The following HS6ST3 variants were observed in gnomAD, a reference collection of about 807,000 sequenced individuals.
The protein encoded by HS6ST3 is heparan-sulfate 6-O-sulfotransferase 3.
HS6ST3 carries 12 observed loss-of-function variants against 36.7 expected under a neutral mutation model. The observed-to-expected ratio is 0.33, with a 90% CI of 0.21 to 0.53. The LOEUF is 0.53. HS6ST3 is among the 20% of genes least tolerant of loss of function. The pLI is 0.95. For synonymous variants in HS6ST3, 240 were observed against 257.5 expected (o/e 0.93, Z 0.65); for missense variants, 584 against 640.9 (o/e 0.91, Z 0.96).
At chr13:96,564,174 T>C (rs916647017) in intron 1 of HS6ST3, among the ~76,000 whole-genome samples, 48 of 152,212 alleles carry the variant, frequency 3.2e-4, no homozygotes, top group African/African-American at 1.2e-3. Context: ...TTAGGCAACT[T>C]AGCACAGTAC....
intron 1 of HS6ST3, among the ~76,000 whole-genome samples, chr13:96,103,003 G>T (rs2053824970): frequency 6.6e-6 from 1 of 152,028 alleles, no homozygotes; most frequent in Non-Finnish European, 1.5e-5. Context: ...GTTTTTCTTG[G>T]CATATATGTG....
intron 1 of HS6ST3, among the ~76,000 whole-genome samples, chr13:96,419,349 T>G (rs1204621071): frequency 6.6e-6 from 1 of 152,136 alleles, no homozygotes; most frequent in Non-Finnish European, 1.5e-5. Flanking sequence ...AATGGCCTTT[T>G]ATAGAACAAA....
At chr13:96,801,644 T>C (rs1226098853) in intron 1 of HS6ST3, among the ~76,000 whole-genome samples, 1 of 152,074 alleles carries the variant, frequency 6.6e-6, no homozygotes, top group African/African-American at 2.4e-5. Flanking sequence ...AACTTGAGGC[T>C]TAAAGAGTTG....
At chr13:96,269,797 G>A (rs1407731189) in intron 1 of HS6ST3, among the ~76,000 whole-genome samples, 1 of 151,974 alleles carries the variant, frequency 6.6e-6, no homozygotes, top group East Asian at 1.9e-4. Flanking sequence ...ATGATCTGAT[G>A]TCCTTTGCAG....
At chr13:96,776,568 A>G (rs1877391356) in intron 1 of HS6ST3, among the ~76,000 whole-genome samples, 1 of 152,224 alleles carries the variant, frequency 6.6e-6, no homozygotes, top group Non-Finnish European at 1.5e-5. Flanking sequence ...AAACACCTCT[A>G]CATAAATAAA....
intron 1 of HS6ST3, among the ~76,000 whole-genome samples, chr13:96,434,235 G>T (rs1166256342): frequency 6.6e-6 from 1 of 152,118 alleles, no homozygotes; most frequent in Non-Finnish European, 1.5e-5. Context: ...ATACCCCCAG[G>T]TTGCAGTATT....
At chr13:96,198,221 A>G (rs538437438) in intron 1 of HS6ST3, among the ~76,000 whole-genome samples, 2 of 152,252 alleles carry the variant, frequency 1.3e-5, no homozygotes, top group South Asian at 4.1e-4. Context: ...TGGGCTGTAC[A>G]TAGTGTGGGG....
chr13:96,784,705 T>A (rs906671025), intron 1 of HS6ST3, among the ~76,000 whole-genome samples: 9 of 152,188 alleles, frequency 5.9e-5, no homozygotes, highest in African/African-American at 2.2e-4. Flanking sequence ...AAGACCCATA[T>A]CAACTCACTG....
chr13:96,536,100 C>G (rs549497805), intron 1 of HS6ST3, among the ~76,000 whole-genome samples: 1 of 152,074 alleles, frequency 6.6e-6, no homozygotes, highest in African/African-American at 2.4e-5. Flanking sequence ...TTATGTGTAC[C>G]CCCATGCTTA....
intron 1 of HS6ST3, chr13:96,573,814 T>C: frequency 2.5e-6 from 1 of 392,708 alleles, no homozygotes; most frequent in South Asian, 2.1e-5. Flanking sequence ...GAGAGTGTGT[T>C]GGACTTAACT....
At chr13:96,595,839 CT>C (rs989852356) in intron 1 of HS6ST3, among the ~76,000 whole-genome samples, 74 of 142,824 alleles carry the variant, frequency 5.2e-4, no homozygotes, top group African/African-American at 1.3e-3. Context: ...TTTTTAATTT[CT>C]TTTTTTTTTC....
At chr13:96,813,873 G>C (rs1878369662) in intron 1 of HS6ST3, among the ~76,000 whole-genome samples, 1 of 152,160 alleles carries the variant, frequency 6.6e-6, no homozygotes, top group Non-Finnish European at 1.5e-5. Context: ...TACATTTCTA[G>C]TCCTTAAAAT....
At chr13:96,102,716 G>A (rs1350335760) in intron 1 of HS6ST3, among the ~76,000 whole-genome samples, 3 of 151,986 alleles carry the variant, frequency 2.0e-5, no homozygotes, top group Admixed American at 6.6e-5. Context: ...CCTATTGATC[G>A]GCAACAATTC....
intron 1 of HS6ST3, among the ~76,000 whole-genome samples, chr13:96,657,933 A>G (rs1252656122): frequency 6.6e-6 from 1 of 152,176 alleles, no homozygotes; most frequent in African/African-American, 2.4e-5. Flanking sequence ...AGGAAGCACA[A>G]TGAAACTGAA....
At chr13:96,446,236 A>G (rs1221377147) in intron 1 of HS6ST3, among the ~76,000 whole-genome samples, 1 of 152,052 alleles carries the variant, frequency 6.6e-6, no homozygotes, top group African/African-American at 2.4e-5. Flanking sequence ...TGTTAGCTGG[A>G]TATTAGTCTC....
intron 1 of HS6ST3, among the ~76,000 whole-genome samples, chr13:96,815,181 G>T (rs1054259717): frequency 2.6e-5 from 4 of 152,182 alleles, no homozygotes; most frequent in African/African-American, 7.2e-5. Flanking sequence ...GAGGGTGGGA[G>T]ACACCGTGCC....
At chr13:96,324,400 G>T (rs1373826013) in intron 1 of HS6ST3, among the ~76,000 whole-genome samples, 1 of 152,168 alleles carries the variant, frequency 6.6e-6, no homozygotes, top group African/African-American at 2.4e-5. Context: ...GTGATATGGT[G>T]TGGAATCTGC....
chr13:96,639,546 AT>A (rs57724502), intron 1 of HS6ST3, among the ~76,000 whole-genome samples: 16,104 of 151,856 alleles, frequency 0.11, 904 homozygotes, highest in Admixed American at 0.17. Flanking sequence ...TTTAAAAAAA[AT>A]TTTTCAACTT....
intron 1 of HS6ST3, among the ~76,000 whole-genome samples, chr13:96,139,535 G>T (rs1594691146): frequency 8.8e-5 from 4 of 45,698 alleles, no homozygotes; most frequent in East Asian, 7.8e-4. Context: ...AATACTGTAA[G>T]ATTCAGAAAA....
Sources: gnomAD v4.1 joint callset for allele counts (sites outside exome capture counted in the v4.1 genomes callset) on GRCh38, gnomAD v4.1.1 for gene constraint, MANE v1.5 for transcripts, NCBI Gene and HGNC (gene_info 2026-07-23, HGNC 2026-07-21) for gene names.